Variants in ACLY observed in about 807,000 individuals in gnomAD.
ACLY encodes the protein ATP-citrate synthase.
Under a neutral mutation model 133.0 loss-of-function variants are expected in ACLY, and 41 were observed. The ratio of observed to expected loss-of-function variants is 0.31; its 90% confidence interval spans 0.24 to 0.40. The LOEUF (loss-of-function observed/expected upper bound fraction) is 0.40. Ranked by LOEUF, ACLY falls within the 10% of genes least tolerant of loss-of-function variation. The pLI, the probability that ACLY is intolerant of heterozygous loss-of-function variation, is 1.00. For missense variants in ACLY, 1,046 were observed against 1,453.8 expected, an observed-to-expected ratio of 0.72 and a Z score of 4.56; for synonymous variants, 495 against 549.3, an observed-to-expected ratio of 0.90 and a Z score of 1.38.
At chr17:41,879,452 C>G (rs2048848627) in intron 20 of ACLY, among the ~76,000 whole-genome samples, 2 of 132,970 alleles carry the variant, frequency 1.5e-5, no homozygotes, top group African/African-American at 5.6e-5. Flanking sequence ...GGGTCTCACT[C>G]TGTCACCCAG....
chr17:41,910,398 A>G (rs1433775340), intron 3 of ACLY, 114 bp from the exon 4 acceptor site: 5 of 857,006 alleles, frequency 5.8e-6, no homozygotes, highest in African/African-American at 1.7e-5. Flanking sequence ...CACACCCAGC[A>G]AAGAGAGATT....
At position 41,926,796 on chromosome 17, in the gene ACLY, G is replaced by A. The variant is rs748574599; in HGVS notation, c.-28+3562C>T. On this transcript the variant is annotated intron_variant, in intron 1 of 3. Coordinates refer to the ACLY transcript ENST00000592970. ...AAGCCACCACGCCAGGCCTTATTGT[G>A]TTTTTAAAACAGCTTTCTTAATATA... is the stretch of plus-strand genomic sequence containing the variant. 9.8e-4 allele frequency among the ~76,000 whole-genome samples: 149 copies of A among 151,980 alleles called. 1 individual carries two copies. Among genetic ancestry groups the A allele is most frequent in the Non-Finnish European group, 1.8e-3 (123 of 67,930 alleles).
At position 41,869,500 on chromosome 17, in the gene ACLY, C is replaced by T. The variant is rs898646965; in HGVS notation, c.3025G>A (p.Glu1009Lys). The T allele has an allele frequency of 6.8e-6, 11 of 1,613,930 alleles. No homozygotes were observed. Among genetic ancestry groups the T allele is most frequent in the Non-Finnish European group, 9.3e-6 (11 of 1,179,998 alleles). ...PATPLLDYAL[E>K]VEKITTSKKP... ...TTCGAGGTGGTAATCTTCTCTACTTCCAGTGCATAATCGAGCAGAGGAGTG... is the reference window on the plus strand; with the variant it reads ...TTCGAGGTGGTAATCTTCTCTACTTTCAGTGCATAATCGAGCAGAGGAGTG... The change falls in exon 26 of 29, where the codon GAA (glutamate) becomes AAA (lysine). Residue 1009 changes from glutamate (E) to lysine (K), a missense_variant. Around this residue, in one of 4 missense-constraint regions of ACLY, gnomAD observed 205 missense variants for 373.3 expected, o/e 0.55. Coordinates refer to ENST00000352035, the MANE Select transcript of ACLY (RefSeq NM_001096.3).
intron 10 of ACLY, among the ~76,000 whole-genome samples, chr17:41,902,163 A>G (rs1257984343): frequency 3.3e-5 from 5 of 152,202 alleles, no homozygotes; most frequent in African/African-American, 1.2e-4. Flanking sequence ...GGGTTCTCAG[A>G]GGTACTAAGA....
intron 14 of ACLY, among the ~76,000 whole-genome samples, chr17:41,895,545 G>A (rs1459373651): frequency 1.3e-5 from 2 of 152,188 alleles, no homozygotes; most frequent in Non-Finnish European, 2.9e-5. Flanking sequence ...GGCTCGCTCA[G>A]CCATAATCTG....
chr17:41,884,771 T>A (rs1223978649), intron 18 of ACLY, among the ~76,000 whole-genome samples: 3 of 152,200 alleles, frequency 2.0e-5, no homozygotes, highest in Non-Finnish European at 4.4e-5. Context: ...TGTACAGTCC[T>A]AGCTACTCAG....
chr17:41,869,243 C>T (rs1244797982), intron 26 of ACLY, 118 bp from the exon 27 acceptor site: 1 of 977,162 alleles, frequency 1.0e-6, no homozygotes. Flanking sequence ...CTTCTACCAG[C>T]CCCACTGGTC....
chr17:41,910,126 T>A, intron 4 of ACLY, 96 bp downstream of exon 4: 2 of 1,266,396 alleles, frequency 1.6e-6, no homozygotes. Context: ...TCCCTCTGAC[T>A]GTCCTCATCA....
intron 6 of ACLY, among the ~76,000 whole-genome samples, chr17:41,907,804 T>C (rs1188122906): frequency 6.6e-6 from 1 of 152,180 alleles, no homozygotes; most frequent in Non-Finnish European, 1.5e-5. Flanking sequence ...CAATGGGACA[T>C]GGAGGTCTGT....
rs2144385877 is a variant in ACLY, at chr17:41,907,538, C to A, written c.651G>T (p.Leu217Phe). Reference sequence around the variant, plus strand: ...CGGCAGTGGCGTCCACCTTGGCCGCCAAGTCAAGGACATAGACTCCATCTT... The same window carrying A: ...CGGCAGTGGCGTCCACCTTGGCCGCAAAGTCAAGGACATAGACTCCATCTT... ...VTKDGVYVLD[L>F]AAKVDATADY... The change falls in exon 7 of 29, where the codon TTG (leucine) becomes TTT (phenylalanine). Residue 217 changes from leucine to phenylalanine, a missense_variant. Physicochemically the swap from Leu to Phe is conservative, Grantham distance 22. This residue lies in a region of ACLY where 575 missense variants were observed against 804.2 expected (regional missense o/e 0.71). Coordinates refer to ENST00000352035, the MANE Select transcript of ACLY (RefSeq NM_001096.3). 1 of 1,614,072 alleles carries A rather than the reference C, an allele frequency of 6.2e-7. No homozygotes were observed. Among genetic ancestry groups the A allele is most frequent in the East Asian group, 2.2e-5 (1 of 44,860 alleles).
Position 41,912,550 on chromosome 17 carries a change from A to G in ACLY, c.160-8T>C. ...TGGCTTGACTACCAAGTTCTGGAAC[A>G]AAAGCGGTTTGTATTTAGAGTGAGG... On this transcript the variant is annotated splice_region_variant and splice_polypyrimidine_tract_variant and intron_variant, in intron 2 of 28. Coordinates refer to ENST00000352035, the MANE Select transcript of ACLY (RefSeq NM_001096.3). 2 of 1,614,146 alleles carry G rather than the reference A, an allele frequency of 1.2e-6. No individual in the cohort carries two copies. The highest frequency in any genetic ancestry group is 1.7e-6 in the Non-Finnish European group (2 of 1,179,980).
At chr17:41,926,996 G>C (rs1486308424) in intron 1 of ACLY, among the ~76,000 whole-genome samples, 62 of 152,048 alleles carry the variant, frequency 4.1e-4, no homozygotes, top group Non-Finnish European at 1.5e-5. Context: ...AGCCTCCCGA[G>C]TAACTGGGAT....
Position 41,918,927 on chromosome 17 carries a change from C to G in ACLY, c.-71G>C. The G allele has an allele frequency of 7.8e-7, 1 of 1,289,268 alleles. No individual in the cohort carries two copies. 79.9% of individuals were successfully genotyped at this position (1,289,268 alleles called of 1,614,324 possible). ...CGCTTCTTCCACAGGCCCGACGAAC[C>G]CCGCAAAATCCGGAGCACCCCAGCA... On this transcript the variant is annotated 5_prime_UTR_variant, in exon 1 of 29. Transcript: ENST00000352035.
At chr17:41,908,938 G>A (rs782777759) in intron 6 of ACLY, 51 bp downstream of exon 6, 1 of 1,458,390 alleles carries the variant, frequency 6.9e-7, no homozygotes, top group South Asian at 1.2e-5. Flanking sequence ...GGCCAGGGCT[G>A]TCATAGGCAC....
At chr17:41,877,610 G>C (rs782243167) in intron 22 of ACLY, among the ~76,000 whole-genome samples, 2 of 152,148 alleles carry the variant, frequency 1.3e-5, no homozygotes, top group Non-Finnish European at 2.9e-5. Flanking sequence ...GGGACACAAA[G>C]TATTAATCCT....
At chr17:41,877,443 CTTTTTTTTTTT>C (rs35203873) in intron 22 of ACLY, among the ~76,000 whole-genome samples, 1 of 135,246 alleles carries the variant, frequency 7.4e-6, no homozygotes, top group African/African-American at 2.7e-5. Context: ...AGGCCCAGCC[CTTTTTTTTTTT>C]TTTTTTTTAA....
upstream of ACLY, chr17:41,918,963 T>C (rs1470030164): frequency 2.3e-6 from 3 of 1,288,756 alleles, no homozygotes; most frequent in Admixed American, 2.3e-5. Flanking sequence ...GCCGGTAGCT[T>C]CCCGGGATCC....
chr17:41,883,400 G>A (rs1382581114), intron 19 of ACLY, among the ~76,000 whole-genome samples, 168 bp from the exon 20 acceptor site: 2 of 152,110 alleles, frequency 1.3e-5, no homozygotes, highest in Non-Finnish European at 2.9e-5. Context: ...TCTCCTAGAG[G>A]AATCTCTGGG....
chr17:41,870,918 T>C (rs2353029), intron 25 of ACLY, among the ~76,000 whole-genome samples: 144,161 of 152,308 alleles, frequency 0.95, 68,272 homozygotes, highest in East Asian at 1. Context: ...GCGGCTGTTC[T>C]TTCGGCACAG....
Sources: allele counts gnomAD v4.1 joint callset (sites outside exome capture counted in the v4.1 genomes callset), GRCh38; gene constraint gnomAD v4.1.1; regional missense constraint gnomAD v4.1.1; transcripts MANE v1.5; gene names NCBI Gene and HGNC (gene_info 2026-07-23, HGNC 2026-07-21).